Variants in LRRC7 observed in about 807,000 individuals in gnomAD.
LRRC7 encodes leucine-rich repeat-containing protein 7.
LRRC7 carries 23 observed loss-of-function variants against 175.7 expected under a neutral mutation model. The observed-to-expected ratio is 0.13, with a 90% CI of 0.09 to 0.19. LRRC7 has a LOEUF of 0.19. LRRC7 is among the 10% of genes least tolerant of loss of function. The pLI is 1.00. For missense variants in LRRC7, 1,354 were observed against 1,904.7 expected (o/e 0.71, Z 5.38); for synonymous variants, 685 against 680.9 (o/e 1.01, Z -0.09).
intron 10 of LRRC7, among the ~76,000 whole-genome samples, chr1:69,993,085 A>G (rs994941117): frequency 5.9e-5 from 9 of 152,186 alleles, no homozygotes; most frequent in Admixed American, 6.5e-5. Flanking sequence ...ACTCAAAAAC[A>G]AGCTCAGGTG....
At chr1:69,635,154 A>C (rs1653127593) in intron 1 of LRRC7, among the ~76,000 whole-genome samples, 2 of 151,918 alleles carry the variant, frequency 1.3e-5, no homozygotes, top group Non-Finnish European at 2.9e-5. Flanking sequence ...TTTAGCTCCC[A>C]CTTATAAATG....
chr1:70,027,073 C>T (rs1658193975), intron 17 of LRRC7, among the ~76,000 whole-genome samples: 1 of 151,944 alleles, frequency 6.6e-6, no homozygotes, highest in South Asian at 2.1e-4. Context: ...CTTCCTTTCA[C>T]TGCTTCTCTT....
chr1:69,879,211 T>TAAAAAAAAAA (rs1307811457), intron 7 of LRRC7, among the ~76,000 whole-genome samples: 1 of 53,424 alleles, frequency 1.9e-5, no homozygotes, highest in African/African-American at 9.0e-5. Context: ...TAAAACTGCT[T>TAAAAAAAAAA]TAAAAAAAAA....
At chr1:70,044,169 G>C (rs1382664172) in intron 22 of LRRC7, 75 bp downstream of exon 22, 1 of 1,501,690 alleles carries the variant, frequency 6.7e-7, no homozygotes, top group Non-Finnish European at 9.1e-7. Flanking sequence ...ATGTGTTTAG[G>C]CTATACATAC....
At chr1:69,921,947 C>T (rs555058692) in intron 7 of LRRC7, among the ~76,000 whole-genome samples, 204 of 151,838 alleles carry the variant, frequency 1.3e-3, no homozygotes, top group Non-Finnish European at 2.2e-3. Context: ...TTGTTTGAGA[C>T]GAATTCTCAC....
At chr1:69,607,864 A>T (rs1647871090) in intron 1 of LRRC7, 1 of 152,184 alleles carries the variant, frequency 6.6e-6, no homozygotes, top group Non-Finnish European at 1.5e-5. Flanking sequence ...TTGGAATGAC[A>T]TTCCTTATCC....
intron 7 of LRRC7, chr1:69,920,087 T>C: frequency 3.6e-6 from 1 of 279,308 alleles, no homozygotes; most frequent in South Asian, 5.6e-5. Flanking sequence ...GGAGGGAGGC[T>C]CGCAGACCCA....
intron 2 of LRRC7, among the ~76,000 whole-genome samples, chr1:69,744,104 C>A (rs923926903): frequency 6.6e-6 from 1 of 151,600 alleles, no homozygotes; most frequent in Non-Finnish European, 1.5e-5. Context: ...AATATGTTTC[C>A]TATACTATGA....
At chr1:70,032,786 C>A (rs1386155394) in intron 18 of LRRC7, among the ~76,000 whole-genome samples, 1 of 152,124 alleles carries the variant, frequency 6.6e-6, no homozygotes, top group Non-Finnish European at 1.5e-5. Flanking sequence ...CCTGAGGCTT[C>A]TTTTCTTTAT....
intron 5 of LRRC7, among the ~76,000 whole-genome samples, chr1:69,831,015 A>C (rs576099230): frequency 6.6e-6 from 1 of 152,102 alleles, no homozygotes; most frequent in African/African-American, 2.4e-5. Context: ...AAGAAGAAGC[A>C]AAAAAGAAGT....
intron 1 of LRRC7, among the ~76,000 whole-genome samples, chr1:69,597,832 A>G (rs559935812): frequency 5.9e-5 from 9 of 152,334 alleles, no homozygotes; most frequent in South Asian, 2.1e-4. Flanking sequence ...AATTAGCATC[A>G]TGCAATACCA....
intron 7 of LRRC7, among the ~76,000 whole-genome samples, chr1:69,896,306 T>C (rs1241900179): frequency 1.4e-4 from 22 of 152,126 alleles, no homozygotes; most frequent in Admixed American, 1.2e-3. Flanking sequence ...CTGGAAACAT[T>C]CAAATTATTC....
intron 1 of LRRC7, among the ~76,000 whole-genome samples, chr1:69,624,059 G>T (rs1651090411): frequency 6.6e-6 from 1 of 152,040 alleles, no homozygotes; most frequent in Admixed American, 6.5e-5. Flanking sequence ...GTGTAGAATG[G>T]CTGAAAAATA....
At chr1:69,768,968 G>T (rs1671929098) in intron 3 of LRRC7, among the ~76,000 whole-genome samples, 1 of 152,124 alleles carries the variant, frequency 6.6e-6, no homozygotes, top group Admixed American at 6.6e-5. Context: ...GGGGATGTGG[G>T]GTGGAATAGG....
chr1:69,978,035 C>G (rs536027551), intron 8 of LRRC7, among the ~76,000 whole-genome samples: 61 of 151,806 alleles, frequency 4.0e-4, no homozygotes, highest in Admixed American at 7.9e-4. Flanking sequence ...AGGAAAAAAA[C>G]AAAAAAACAA....
At chr1:70,015,575 T>C (rs978532280) in intron 13 of LRRC7, among the ~76,000 whole-genome samples, 4 of 152,184 alleles carry the variant, frequency 2.6e-5, no homozygotes, top group Admixed American at 6.5e-5. Flanking sequence ...ACTACTCACT[T>C]TGCTAACTAG....
At chr1:69,804,434 C>T (rs774686966) in intron 4 of LRRC7, among the ~76,000 whole-genome samples, 1 of 151,228 alleles carries the variant, frequency 6.6e-6, no homozygotes, top group Non-Finnish European at 1.5e-5. Flanking sequence ...ATTAAAAACA[C>T]CTAATGAGCT....
chr1:69,753,406 C>T (rs1292559848), intron 2 of LRRC7, among the ~76,000 whole-genome samples: 6 of 151,306 alleles, frequency 4.0e-5, no homozygotes, highest in South Asian at 2.1e-4. Flanking sequence ...AATGCAGAGT[C>T]GGCTAACAGG....
intron 7 of LRRC7, among the ~76,000 whole-genome samples, chr1:69,930,792 G>A (rs1391195836): frequency 2.0e-5 from 3 of 152,128 alleles, no homozygotes; most frequent in African/African-American, 7.2e-5. Flanking sequence ...GGCAGCAGGC[G>A]AGAGAGAACA....
Sources: gnomAD v4.1 joint callset for allele counts (sites outside exome capture counted in the v4.1 genomes callset) on GRCh38, gnomAD v4.1.1 for gene constraint, MANE v1.5 for transcripts, NCBI Gene and HGNC (gene_info 2026-07-23, HGNC 2026-07-21) for gene names.